BLOC1S6: variants seen among roughly 807,000 people sequenced by gnomAD.
BLOC1S6 encodes biogenesis of lysosomal organelles complex 1 subunit 6.
Under a neutral mutation model 24.7 loss-of-function variants are expected in BLOC1S6, and 24 were observed. The observed-to-expected ratio is 0.97, with a 90% CI of 0.70 to 1.37. The LOEUF is 1.37. Among genes scored for constraint, BLOC1S6 ranks in the 40% most tolerant of loss-of-function variants. The pLI is 0.00. For missense variants in BLOC1S6, 175 were observed against 196.2 expected (o/e 0.89, Z 0.64); for synonymous variants, 76 against 72.6 (o/e 1.05, Z -0.23).
chr15:45,602,591 T>G (rs1202449962), intron 2 of BLOC1S6, among the ~76,000 whole-genome samples: 2 of 152,242 alleles, frequency 1.3e-5, no homozygotes, highest in African/African-American at 4.8e-5. Flanking sequence ...TATAGCTAAC[T>G]GGCTGTTGGC....
At chr15:45,596,857 A>G (rs931674120) in intron 2 of BLOC1S6, among the ~76,000 whole-genome samples, 2 of 151,222 alleles carry the variant, frequency 1.3e-5, no homozygotes, top group South Asian at 2.1e-4. Flanking sequence ...TGTATTTTTT[A>G]TAGAGATGGG....
chr15:45,595,234 TTC>T (rs1238479591), intron 2 of BLOC1S6, among the ~76,000 whole-genome samples: 4 of 152,296 alleles, frequency 2.6e-5, no homozygotes, highest in Middle Eastern at 6.8e-3. Context: ...TATTTAGAAG[TTC>T]TTTCTTTGTT....
chr15:45,603,068 G>T, intron 2 of BLOC1S6, 32 bp from the exon 3 acceptor site: 1 of 1,423,892 alleles, frequency 7.0e-7, no homozygotes, highest in South Asian at 1.2e-5. Flanking sequence ...TAAATATGTA[G>T]AGTTTGTCTT....
Position 45,608,439 on chromosome 15 carries a change from A to G in BLOC1S6, c.*1925A>G, listed in dbSNP as rs944254074. On this transcript the variant is annotated 3_prime_UTR_variant, in exon 5 of 5. Transcript: ENST00000220531. Reference sequence around the variant, plus strand: ...ATATGATATCTGACAAAGGTAGTACAGCGTTTCTGAGTCATTTGGGACCAA... The same window carrying G: ...ATATGATATCTGACAAAGGTAGTACGGCGTTTCTGAGTCATTTGGGACCAA... The G allele has an allele frequency of 6.6e-6, 1 of 152,234 alleles. No individual in the cohort carries two copies. Among genetic ancestry groups the G allele is most frequent in the East Asian group, 1.9e-4 (1 of 5,206 alleles). 9.4% of individuals were successfully genotyped at this position (152,234 alleles called of 1,614,324 possible). A position where few individuals can be genotyped will look rare whatever the true frequency, so the allele number is the denominator to read the frequency against.
intron 1 of BLOC1S6, 165 bp downstream of exon 1, chr15:45,587,690 G>C (rs947889891): frequency 4.0e-6 from 3 of 752,518 alleles, no homozygotes; most frequent in Non-Finnish European, 7.0e-6. Context: ...CGGCCCCTCT[G>C]CCCAGCGCAA....
At position 45,609,294 on chromosome 15, in the gene BLOC1S6, C is replaced by G. The variant is rs960911854; in HGVS notation, c.*2780C>G. 2.0e-5 allele frequency: 3 copies of G among 151,962 alleles called. No individual in the cohort carries two copies. In the South Asian group the frequency reaches 6.2e-4, roughly 32 times the overall value. The allele number at this position is 151,962 out of a possible 1,614,324, so 9.4% of individuals were successfully genotyped here. ...TTCTGATCGCACCACTGAACTCCAG[C>G]CCGTATGACAGAGTGAGACCCTGTT... On this transcript the variant is annotated 3_prime_UTR_variant, in exon 5 of 5. Transcript: ENST00000220531.
chr15:45,592,409 G>C, intron 2 of BLOC1S6, 133 bp downstream of exon 2: 3 of 1,112,542 alleles, frequency 2.7e-6, no homozygotes, highest in Non-Finnish European at 3.9e-6. Flanking sequence ...TATCTTTATT[G>C]ATAGCAGATG....
chr15:45,592,359 A>C (rs1448216954), intron 2 of BLOC1S6, 83 bp downstream of exon 2: 2 of 1,522,528 alleles, frequency 1.3e-6, no homozygotes, highest in Non-Finnish European at 1.8e-6. Context: ...GTGTTAAGAC[A>C]TAATATTTTT....
In BLOC1S6 at chr15:45,606,811, TA is replaced by T; in HGVS notation, c.*302del. On this transcript the variant is annotated 3_prime_UTR_variant, in exon 5 of 5. Coordinates refer to ENST00000220531, the MANE Select transcript of BLOC1S6 (RefSeq NM_012388.4). ...ATTGTGAGTCAAAACTCTAAGTGGT[TA>T]AAAATTAGTATGAATTTTTTAGCTT... 1 of 334,366 alleles carries T rather than the reference TA, an allele frequency of 3.0e-6. No individual in the cohort carries two copies. The highest frequency in any genetic ancestry group is 5.7e-5 in the East Asian group (1 of 17,476). The allele number at this position is 334,366 out of a possible 1,614,324, so 20.7% of individuals were successfully genotyped here. A position where few individuals can be genotyped will look rare whatever the true frequency, so the allele number is the denominator to read the frequency against.
rs151047485 is a variant in BLOC1S6 at position 45,605,448 on chromosome 15, T to C, written c.333T>C (p.Tyr111=). Residue 111 remains tyrosine, a synonymous_variant, in exon 4 of 5, where the codon TAT becomes TAC. Coordinates refer to ENST00000220531, the MANE Select transcript of BLOC1S6 (RefSeq NM_012388.4). ...TTAAGTTTGCTGAGGCTAAACACTA[T>C]CATGCCAAGTTGGTGAATATAAGAA... ...INALFAEAKH[Y]HAKLVNIRKE... The C allele has an allele frequency of 6.2e-7, 1 of 1,612,526 alleles. No individual in the cohort carries two copies. Among genetic ancestry groups the C allele is most frequent in the Non-Finnish European group, 8.5e-7 (1 of 1,178,976 alleles).
At chr15:45,588,118 G>A (rs559760007) in intron 1 of BLOC1S6, among the ~76,000 whole-genome samples, 10 of 152,296 alleles carry the variant, frequency 6.6e-5, no homozygotes, top group African/African-American at 2.4e-4. Flanking sequence ...TGTGTTCTGT[G>A]GTTTAGATGA....
At chr15:45,597,856 C>A (rs775233727) in intron 2 of BLOC1S6, 191 of 359,048 alleles carry the variant, frequency 5.3e-4, no homozygotes, top group Non-Finnish European at 8.6e-4. Context: ...CCTTTTATTT[C>A]TTTTTCTTGT....
chr15:45,590,356 T>C (rs767580736), intron 1 of BLOC1S6, among the ~76,000 whole-genome samples: 29 of 152,048 alleles, frequency 1.9e-4, no homozygotes, highest in Non-Finnish European at 8.8e-5. Context: ...TAATTTTATT[T>C]TGATTTTCAA....
intron 2 of BLOC1S6, among the ~76,000 whole-genome samples, chr15:45,596,553 A>G (rs1321158668): frequency 1.3e-5 from 2 of 152,122 alleles, no homozygotes. Flanking sequence ...CACCTTTGTC[A>G]AAGAGAAGTT....
At chr15:45,597,189 T>C (rs1251817423) in intron 2 of BLOC1S6, among the ~76,000 whole-genome samples, 4 of 152,162 alleles carry the variant, frequency 2.6e-5, no homozygotes, top group Non-Finnish European at 4.4e-5. Context: ...TTAAAAAATA[T>C]TGAAGGGCTG....
In BLOC1S6 at chr15:45,609,302, A is replaced by G. The variant is rs989735619; in HGVS notation, c.*2788A>G. 2 of 151,934 alleles carry G rather than the reference A, an allele frequency of 1.3e-5. No individual in the cohort carries two copies. The highest frequency in any genetic ancestry group is 4.9e-5 in the African/African-American group (2 of 41,190). 9.4% of individuals were successfully genotyped at this position (151,934 alleles called of 1,614,324 possible). A position where few individuals can be genotyped will look rare whatever the true frequency, so the allele number is the denominator to read the frequency against. On this transcript the variant is annotated 3_prime_UTR_variant, in exon 5 of 5. Coordinates refer to ENST00000220531, the MANE Select transcript of BLOC1S6 (RefSeq NM_012388.4). ...GCACCACTGAACTCCAGCCCGTATG[A>G]CAGAGTGAGACCCTGTTTCTAAAAA...
intron 2 of BLOC1S6, among the ~76,000 whole-genome samples, chr15:45,596,315 G>A (rs747027302): frequency 3.3e-5 from 5 of 151,488 alleles, no homozygotes; most frequent in South Asian, 2.1e-4. Flanking sequence ...CTTCCATCTC[G>A]GCCTCCCAAG....
At chr15:45,596,565 A>G (rs1449922983) in intron 2 of BLOC1S6, among the ~76,000 whole-genome samples, 1 of 151,916 alleles carries the variant, frequency 6.6e-6, no homozygotes, top group African/African-American at 2.4e-5. Flanking sequence ...AGAGAAGTTT[A>G]TTGTTTTTGT....
rs1378161334 is a variant in BLOC1S6 at position 45,607,330 on chromosome 15, TG to T, written c.*819del. Reference sequence around the variant, plus strand: ...TCGTTGTCACTGCTTCTGTGGCTTTTGGGTTCAAAGTAGATTATATATATTC... The same window carrying T: ...TCGTTGTCACTGCTTCTGTGGCTTTTGGTTCAAAGTAGATTATATATATTC... On this transcript the variant is annotated 3_prime_UTR_variant, in exon 5 of 5. Transcript: ENST00000220531. 1 of 152,248 alleles carries T rather than the reference TG, an allele frequency of 6.6e-6. No individual in the cohort carries two copies. The highest frequency in any genetic ancestry group is 1.5e-5 in the Non-Finnish European group (1 of 68,080). The allele number at this position is 152,248 out of a possible 1,614,324, so 9.4% of individuals were successfully genotyped here.
Sources: gnomAD v4.1 joint callset for allele counts (sites outside exome capture counted in the v4.1 genomes callset) on GRCh38, gnomAD v4.1.1 for gene constraint, MANE v1.5 for transcripts, NCBI Gene and HGNC (gene_info 2026-07-23, HGNC 2026-07-21) for gene names.